Variants in GLT1D1 observed in about 807,000 individuals in gnomAD.
GLT1D1 encodes the protein glycosyltransferase 1 domain-containing protein 1.
Under a neutral mutation model 28.7 loss-of-function variants are expected in GLT1D1, and 21 were observed. That is an observed-to-expected ratio of 0.73 (90% CI 0.52 to 1.05). The LOEUF is 1.05. Ranked by LOEUF, GLT1D1 falls within the 50% of genes least tolerant of loss-of-function variation. The pLI is 0.00. For synonymous variants in GLT1D1, 147 were observed against 124.8 expected, an observed-to-expected ratio of 1.18 and a Z score of -1.19; for missense variants, 343 against 330.6, an observed-to-expected ratio of 1.04 and a Z score of -0.29.
At chr12:128,965,852 GC>G (rs201037043) in intron 7 of GLT1D1, among the ~76,000 whole-genome samples, 1,855 of 152,172 alleles carry the variant, frequency 0.012, 15 homozygotes, top group Non-Finnish European at 0.018. Context: ...CTGAGATCTT[GC>G]CACTGCACTC....
intron 2 of GLT1D1, among the ~76,000 whole-genome samples, 156 bp downstream of exon 2, chr12:128,876,218 A>T (rs1163791009): frequency 1.3e-5 from 2 of 152,330 alleles, no homozygotes; most frequent in South Asian, 2.1e-4. Flanking sequence ...TTAATGCACA[A>T]TTTTCTTAAA....
chr12:128,874,100 C>CTTTCTT lies in GLT1D1; in HGVS notation c.69-1813_69-1812insTTCTTT, dbSNP rs1219784154. Among the ~76,000 whole-genome samples the CTTTCTT allele has an allele frequency of 3.7e-3, 158 of 42,976 alleles. 2 individuals carry two copies. The highest frequency in any genetic ancestry group is 0.017 in the Middle Eastern group (1 of 60). 28.2% of individuals were successfully genotyped at this position (42,976 alleles called of 152,430 possible). A position where few individuals can be genotyped will look rare whatever the true frequency, so the allele number is the denominator to read the frequency against. ...TCTTTCTTTCTTTCTTTCTTTCTTTCTCTCTCTCTCTCTCTCTCTCTCTCT... is the reference window on the plus strand; with the variant it reads ...TCTTTCTTTCTTTCTTTCTTTCTTTCTTTCTTTCTCTCTCTCTCTCTCTCTCTCTCT... On this transcript the variant is annotated intron_variant, in intron 1 of 7. Transcript: ENST00000281703.
At chr12:128,864,482 C>G (rs1956466878) in intron 1 of GLT1D1, among the ~76,000 whole-genome samples, 1 of 152,180 alleles carries the variant, frequency 6.6e-6, no homozygotes, top group African/African-American at 2.4e-5. Context: ...GGGTTGGCAC[C>G]TGAAGGTCCG....
intron 1 of GLT1D1, among the ~76,000 whole-genome samples, chr12:128,871,752 A>G (rs1248119568): frequency 6.6e-6 from 1 of 151,660 alleles, no homozygotes; most frequent in Non-Finnish European, 1.5e-5. Flanking sequence ...TCTTTGTTTT[A>G]CTCATGATTT....
At chr12:128,905,394 TACTC>T (rs1870748607) in intron 4 of GLT1D1, among the ~76,000 whole-genome samples, 3 of 152,226 alleles carry the variant, frequency 2.0e-5, no homozygotes, top group Admixed American at 2.0e-4. Flanking sequence ...TTCTGAAACT[TACTC>T]ACACGATATC....
chr12:128,940,818 G>A (rs1348324615), intron 4 of GLT1D1, among the ~76,000 whole-genome samples: 2 of 152,118 alleles, frequency 1.3e-5, no homozygotes, highest in African/African-American at 4.8e-5. Context: ...CACATGCCAC[G>A]AAATTCACCA....
At chr12:128,918,092 A>G (rs556818488) in intron 4 of GLT1D1, among the ~76,000 whole-genome samples, 127 of 152,356 alleles carry the variant, frequency 8.3e-4, no homozygotes, top group African/African-American at 2.7e-3. Flanking sequence ...GATAAAGAAA[A>G]TGTGGTACAT....
chr12:128,860,795 G>A (rs1279459575), intron 1 of GLT1D1, among the ~76,000 whole-genome samples: 2 of 152,168 alleles, frequency 1.3e-5, no homozygotes, highest in African/African-American at 4.8e-5. Flanking sequence ...ACCTGGTGGT[G>A]AGGTTGGAAG....
chr12:128,937,018 T>G (rs1363708356), intron 4 of GLT1D1, among the ~76,000 whole-genome samples: 1 of 152,200 alleles, frequency 6.6e-6, no homozygotes, highest in Non-Finnish European at 1.5e-5. Context: ...ATGCCTTAAG[T>G]TTTAGATAAA....
intron 2 of GLT1D1, among the ~76,000 whole-genome samples, chr12:128,888,099 G>A (rs1451417478): frequency 1.3e-5 from 2 of 152,196 alleles, no homozygotes; most frequent in Non-Finnish European, 2.9e-5. Context: ...TATGCGCTCA[G>A]CATCTTGTGT....
intron 7 of GLT1D1, among the ~76,000 whole-genome samples, chr12:128,968,150 C>A (rs1878653024): frequency 6.6e-6 from 1 of 152,012 alleles, no homozygotes; most frequent in African/African-American, 2.4e-5. Context: ...CGCCTGCCAC[C>A]ACACCTGGCT....
At chr12:128,886,794 A>G (rs1868433757) in intron 2 of GLT1D1, among the ~76,000 whole-genome samples, 2 of 151,948 alleles carry the variant, frequency 1.3e-5, no homozygotes. Flanking sequence ...TCTGGGAGCA[A>G]TTATTCTCCC....
chr12:128,977,836 T>A (rs1879930476), intron 7 of GLT1D1, among the ~76,000 whole-genome samples: 1 of 148,202 alleles, frequency 6.7e-6, no homozygotes. Context: ...TGGGGTGCAA[T>A]GAATGGCGCT....
At chr12:128,908,675 C>T (rs1354102856) in intron 4 of GLT1D1, among the ~76,000 whole-genome samples, 1 of 151,924 alleles carries the variant, frequency 6.6e-6, no homozygotes, top group African/African-American at 2.4e-5. Context: ...ACAGGCCGGG[C>T]GCGGTGGCTC....
chr12:128,918,464 G>A (rs1011546365), intron 4 of GLT1D1, among the ~76,000 whole-genome samples: 2 of 152,010 alleles, frequency 1.3e-5, no homozygotes, highest in African/African-American at 4.8e-5. Context: ...CACGTATCCT[G>A]GAACTTAAAA....
chr12:128,893,043 G>A (rs1004701532), intron 3 of GLT1D1, among the ~76,000 whole-genome samples: 1 of 152,056 alleles, frequency 6.6e-6, no homozygotes, highest in African/African-American at 2.4e-5. Context: ...TCAGGAGTTT[G>A]AGACCAGCCT....
chr12:128,875,765 T>A (rs2135796824), intron 1 of GLT1D1, 149 bp from the exon 2 acceptor site: 1 of 750,240 alleles, frequency 1.3e-6, no homozygotes, highest in Non-Finnish European at 2.2e-6. Flanking sequence ...GCACCATTGC[T>A]CCCCAGCCTG....
intron 3 of GLT1D1, among the ~76,000 whole-genome samples, chr12:128,895,037 C>T (rs1431578160): frequency 6.6e-6 from 1 of 152,108 alleles, no homozygotes; most frequent in Non-Finnish European, 1.5e-5. Flanking sequence ...GACATGCTCT[C>T]ATCATTCATC....
chr12:128,944,598 A>C, intron 4 of GLT1D1: 1 of 743,290 alleles, frequency 1.3e-6, no homozygotes, highest in South Asian at 1.3e-5. Flanking sequence ...TAATGACCTC[A>C]AAGGACATAT....
Sources: allele counts gnomAD v4.1 joint callset (sites outside exome capture counted in the v4.1 genomes callset), GRCh38; gene constraint gnomAD v4.1.1; transcripts MANE v1.5; gene names NCBI Gene and HGNC (gene_info 2026-07-23, HGNC 2026-07-21).